Variants in SLC9A7 observed in about 807,000 individuals in gnomAD.
SLC9A7 encodes sodium/hydrogen exchanger 7.
In SLC9A7, 19 loss-of-function variants were observed where a neutral mutation model predicts 52.6. The ratio of observed to expected loss-of-function variants is 0.36; its 90% CI spans 0.25 to 0.53. The LOEUF is 0.53. Among genes scored for constraint, SLC9A7 ranks in the 20% least tolerant of loss-of-function variants. The pLI is 0.91. For synonymous variants in SLC9A7, 226 were observed against 252.1 expected (o/e 0.90, Z 0.98); for missense variants, 455 against 597.9 (o/e 0.76, Z 2.49).
chrX:46,679,779 A>C (rs745391492), intron 2 of SLC9A7, 24 bp from the exon 3 acceptor site: 1 of 1,058,848 alleles, frequency 9.4e-7, no homozygotes, highest in East Asian at 3.1e-5. Flanking sequence ...AAGAAAAAAA[A>C]GCCAATTTTT....
At chrX:46,692,008 A>T (rs1026071089) in intron 1 of SLC9A7, among the ~76,000 whole-genome samples, 1 of 111,638 alleles carries the variant, frequency 9.0e-6, no homozygotes, top group African/African-American at 3.3e-5. Flanking sequence ...AAACAGTATC[A>T]TCATATAATG....
At chrX:46,637,576 C>T (rs777435333) in intron 12 of SLC9A7, among the ~76,000 whole-genome samples, 1 of 111,376 alleles carries the variant, frequency 9.0e-6, no homozygotes, top group East Asian at 2.8e-4. Context: ...GTCGTTCCAC[C>T]GCCCCCCCAA....
intron 1 of SLC9A7, among the ~76,000 whole-genome samples, chrX:46,712,457 G>C (rs904942861): frequency 9.0e-6 from 1 of 111,332 alleles, no homozygotes; most frequent in African/African-American, 3.3e-5. Flanking sequence ...ACTCATTAGT[G>C]GCAGGGATGG....
chrX:46,689,930 T>A (rs1024650798), intron 1 of SLC9A7, among the ~76,000 whole-genome samples: 1 of 111,629 alleles, frequency 9.0e-6, no homozygotes, highest in Non-Finnish European at 1.9e-5. Flanking sequence ...TTCATCCATG[T>A]CCTTGCAAAG....
intron 1 of SLC9A7, among the ~76,000 whole-genome samples, chrX:46,741,542 A>G (rs1275155104): frequency 9.0e-6 from 1 of 111,679 alleles, no homozygotes. Context: ...AAGATTGTCA[A>G]CAACAATCTT....
chrX:46,709,427 GA>G (rs1268965983), intron 1 of SLC9A7, among the ~76,000 whole-genome samples: 3 of 109,057 alleles, frequency 2.8e-5, no homozygotes, highest in South Asian at 3.9e-4. Flanking sequence ...AATAAGTTCA[GA>G]AAAAAAAATT....
At position 46,599,977 on chromosome X, in the gene SLC9A7, A is replaced by T. The variant is rs1464608307; in HGVS notation, c.*6975T>A. 2.7e-5 allele frequency: 3 copies of T among 112,267 alleles called. No homozygotes were observed. The highest frequency in any genetic ancestry group is 5.6e-5 in the Non-Finnish European group (3 of 53,285). The allele number at this position is 112,267 out of a possible 1,213,427, so 9.3% of individuals were successfully genotyped here. A position where few individuals can be genotyped will look rare whatever the true frequency, so the allele number is the denominator to read the frequency against. ...CTCATTTAACCATTTTCATGGACAT[A>T]GTACAACTTTCCAAGTAAAAAGTAC... On this transcript the variant is annotated 3_prime_UTR_variant, in exon 17 of 17. Coordinates refer to ENST00000616978, the MANE Select transcript of SLC9A7 (RefSeq NM_001257291.2).
At chrX:46,670,499 G>T (rs1414501718) in intron 4 of SLC9A7, among the ~76,000 whole-genome samples, 1 of 111,405 alleles carries the variant, frequency 9.0e-6, no homozygotes, top group Non-Finnish European at 1.9e-5. Context: ...GCATGTGTGT[G>T]TGTGTGTCTG....
intron 1 of SLC9A7, among the ~76,000 whole-genome samples, chrX:46,742,651 T>C (rs1042756994): frequency 4.5e-5 from 5 of 112,357 alleles, no homozygotes; most frequent in Non-Finnish European, 9.4e-5. Flanking sequence ...TTCATCTTGG[T>C]TGTGGTGGTG....
intron 3 of SLC9A7, among the ~76,000 whole-genome samples, chrX:46,677,248 C>T (rs1332264128): frequency 7.2e-5 from 8 of 111,870 alleles, no homozygotes; most frequent in Non-Finnish European, 1.5e-4. Flanking sequence ...ATGCTATGAG[C>T]GAAAGAGGCA....
chrX:46,679,642 C>G (rs1488844039), intron 3 of SLC9A7, 36 bp downstream of exon 3: 1 of 1,020,076 alleles, frequency 9.8e-7, no homozygotes, highest in Non-Finnish European at 1.4e-6. Context: ...CACAGAGATT[C>G]ACATGATTTC....
At chrX:46,687,898 C>T (rs745588319) in intron 1 of SLC9A7, among the ~76,000 whole-genome samples, 2 of 111,840 alleles carry the variant, frequency 1.8e-5, no homozygotes, top group South Asian at 3.7e-4. Context: ...ATAGATTTGC[C>T]GTTTCTGGAC....
chrX:46,693,131 C>T (rs1185973480), intron 1 of SLC9A7, among the ~76,000 whole-genome samples: 1 of 112,043 alleles, frequency 8.9e-6, no homozygotes, highest in Non-Finnish European at 1.9e-5. Context: ...ATCCCATATT[C>T]ATAAATTAGA....
rs747017742 is a variant in SLC9A7 at position 46,680,383 on chromosome X, C to A, written c.526-628G>T. Reference sequence around the variant, plus strand: ...AAAAAAAATCTTGATTTTCATCACACGTTTATAAAGACTCAACTGCAGTAA... The same window carrying A: ...AAAAAAAATCTTGATTTTCATCACAAGTTTATAAAGACTCAACTGCAGTAA... On this transcript the variant is annotated intron_variant, in intron 2 of 16. Coordinates refer to ENST00000616978, the MANE Select transcript of SLC9A7 (RefSeq NM_001257291.2). 2.7e-5 allele frequency among the ~76,000 whole-genome samples: 3 copies of A among 110,436 alleles called. 1 individual carries two copies. In the South Asian group the frequency reaches 1.2e-3, roughly 43 times the overall value.
At chrX:46,680,339 A>T (rs1944192936) in intron 2 of SLC9A7, among the ~76,000 whole-genome samples, 1 of 99,133 alleles carries the variant, frequency 1.0e-5, no homozygotes. Context: ...ACAGAGCGAG[A>T]CTCCATCTCA....
At chrX:46,752,206 A>G (rs1417802696) in intron 1 of SLC9A7, among the ~76,000 whole-genome samples, 1 of 111,585 alleles carries the variant, frequency 9.0e-6, no homozygotes, top group Admixed American at 9.5e-5. Context: ...GGATTCATAT[A>G]CTTTACCCCT....
At chrX:46,722,660 T>C (rs2146960025) in intron 1 of SLC9A7, among the ~76,000 whole-genome samples, 1 of 112,187 alleles carries the variant, frequency 8.9e-6, no homozygotes, top group African/African-American at 3.2e-5. Flanking sequence ...ATTAAATGAG[T>C]GATTTGGGAA....
At chrX:46,708,047 T>C (rs1944631158) in intron 1 of SLC9A7, among the ~76,000 whole-genome samples, 1 of 111,893 alleles carries the variant, frequency 8.9e-6, no homozygotes, top group African/African-American at 3.2e-5. Flanking sequence ...GGCCGACATG[T>C]ACCTTTAGTG....
At chrX:46,689,571 C>T (rs1479020076) in intron 1 of SLC9A7, among the ~76,000 whole-genome samples, 2 of 103,518 alleles carry the variant, frequency 1.9e-5, no homozygotes, top group Non-Finnish European at 3.9e-5. Context: ...AACTGCAAGC[C>T]ATTTCTCAAA....
Sources: allele counts gnomAD v4.1 joint callset (sites outside exome capture counted in the v4.1 genomes callset), GRCh38; gene constraint gnomAD v4.1.1; transcripts MANE v1.5; gene names NCBI Gene and HGNC (gene_info 2026-07-23, HGNC 2026-07-21).